The following PDSS2 variants were observed in gnomAD, a reference collection of about 807,000 sequenced individuals.
PDSS2 encodes the protein decaprenyl diphosphate synthase subunit 2, also known as all trans-polyprenyl-diphosphate synthase PDSS2.
PDSS2 carries 31 observed loss-of-function variants against 44.5 expected under a neutral mutation model. The observed-to-expected ratio is 0.70, with a 90% CI of 0.52 to 0.94. The LOEUF is 0.94. PDSS2 is among the 40% of genes least tolerant of loss of function. PDSS2 has a pLI of 0.00. For missense variants in PDSS2, 452 were observed against 482.2 expected (o/e 0.94, Z 0.59); for synonymous variants, 157 against 180.3 (o/e 0.87, Z 1.03).
chr6:107,437,469 G>C (rs954282295), intron 1 of PDSS2, among the ~76,000 whole-genome samples: 8 of 148,258 alleles, frequency 5.4e-5, no homozygotes, highest in African/African-American at 2.0e-4. Flanking sequence ...AGGCTATAGT[G>C]AGCCAAGATC....
intron 1 of PDSS2, among the ~76,000 whole-genome samples, chr6:107,350,877 G>A (rs1199947306): frequency 1.4e-5 from 2 of 147,134 alleles, no homozygotes; most frequent in East Asian, 2.0e-4. Context: ...TTCCCTGGGG[G>A]AAAAAAAAAC....
At chr6:107,369,244 T>G (rs1779057489) in intron 1 of PDSS2, among the ~76,000 whole-genome samples, 1 of 151,842 alleles carries the variant, frequency 6.6e-6, no homozygotes, top group African/African-American at 2.4e-5. Context: ...ATGGTGAAAC[T>G]CCACCTCTAC....
At chr6:107,393,039 T>C (rs546823654) in intron 1 of PDSS2, among the ~76,000 whole-genome samples, 8 of 152,266 alleles carry the variant, frequency 5.3e-5, no homozygotes, top group African/African-American at 1.7e-4. Flanking sequence ...CTATATTTTG[T>C]CTTTTATTTC....
intron 3 of PDSS2, among the ~76,000 whole-genome samples, chr6:107,251,898 A>G (rs73509168): frequency 0.18 from 27,900 of 152,188 alleles, 2,780 homozygotes; most frequent in South Asian, 0.22. Flanking sequence ...TATTGCCAAG[A>G]TAAGGTATAG....
intron 1 of PDSS2, among the ~76,000 whole-genome samples, chr6:107,403,952 C>T (rs1780227099): frequency 6.6e-6 from 1 of 152,220 alleles, no homozygotes; most frequent in African/African-American, 2.4e-5. Context: ...CAAATTTCTG[C>T]TATGGGCTTG....
chr6:107,270,115 A>T (rs562933697), intron 3 of PDSS2, among the ~76,000 whole-genome samples: 36 of 149,476 alleles, frequency 2.4e-4, no homozygotes, highest in East Asian at 3.9e-4. Flanking sequence ...TATTATTATT[A>T]TTTTTTTTTT....
At chr6:107,313,686 A>C (rs58569494) in intron 2 of PDSS2, among the ~76,000 whole-genome samples, 2 of 152,180 alleles carry the variant, frequency 1.3e-5, no homozygotes, top group African/African-American at 2.4e-5. Context: ...AGCAGGGCCC[A>C]ATTTAATCTT....
chr6:107,450,116 TTGAC>T (rs1167244301), intron 1 of PDSS2, among the ~76,000 whole-genome samples: 1 of 152,180 alleles, frequency 6.6e-6, no homozygotes, highest in Non-Finnish European at 1.5e-5. Flanking sequence ...ATGAATGAGA[TTGAC>T]TTTTTTCACT....
intron 1 of PDSS2, among the ~76,000 whole-genome samples, chr6:107,425,967 A>G (rs1001818667): frequency 2.6e-5 from 4 of 152,096 alleles, no homozygotes; most frequent in African/African-American, 9.7e-5. Context: ...TCTCGAAAAA[A>G]AAAAAAAAAG....
intron 3 of PDSS2, among the ~76,000 whole-genome samples, chr6:107,247,123 G>T (rs1774647833): frequency 6.6e-6 from 1 of 152,192 alleles, no homozygotes; most frequent in Admixed American, 6.5e-5. Flanking sequence ...CACAGCATCA[G>T]ATTGGATTAC....
chr6:107,412,247 T>C (rs1780526578), intron 1 of PDSS2, among the ~76,000 whole-genome samples: 1 of 137,122 alleles, frequency 7.3e-6, no homozygotes, highest in South Asian at 2.5e-4. Flanking sequence ...TTTTTTTTTT[T>C]TTTTTTTTTT....
intron 7 of PDSS2, among the ~76,000 whole-genome samples, chr6:107,157,337 A>G (rs1305623747): frequency 6.6e-6 from 1 of 151,984 alleles, no homozygotes; most frequent in East Asian, 1.9e-4. Flanking sequence ...GGCATGCACC[A>G]CTATCCTTGT....
rs370360594 is a variant in PDSS2, at chr6:107,310,919, C to CTTT, written c.431+23276_431+23278dup. On this transcript the variant is annotated intron_variant, in intron 2 of 7. Coordinates refer to ENST00000369037, the MANE Select transcript of PDSS2 (RefSeq NM_020381.4). ...TTCAAGTATATTTAGCAAAAATAAA[C>CTTT]TTTTTTTTTTTTTTTTGAAATGAAG... Among the ~76,000 whole-genome samples the CTTT allele has an allele frequency of 3.1e-3, 442 of 140,938 alleles. 5 individuals carry two copies. The highest frequency in any genetic ancestry group is 0.025 in the Middle Eastern group (7 of 276). 92.5% of individuals were successfully genotyped at this position (140,938 alleles called of 152,430 possible).
At chr6:107,435,281 A>AACACAC (rs57353175) in intron 1 of PDSS2, among the ~76,000 whole-genome samples, 107 of 133,790 alleles carry the variant, frequency 8.0e-4, no homozygotes, top group Middle Eastern at 3.7e-3. Flanking sequence ...ACTGCCTCAA[A>AACACAC]ACACACACAC....
At chr6:107,363,665 G>A (rs1041327977) in intron 1 of PDSS2, among the ~76,000 whole-genome samples, 2 of 152,210 alleles carry the variant, frequency 1.3e-5, no homozygotes, top group African/African-American at 4.8e-5. Flanking sequence ...GGGGACCCGA[G>A]CGGGTTGCCA....
At chr6:107,383,345 T>C (rs1244805026) in intron 1 of PDSS2, among the ~76,000 whole-genome samples, 2 of 124,200 alleles carry the variant, frequency 1.6e-5, no homozygotes, top group Admixed American at 8.1e-5. Context: ...AAATAGATCA[T>C]AGATCTAAAT....
chr6:107,375,378 A>G (rs2169897), intron 1 of PDSS2, among the ~76,000 whole-genome samples: 146,930 of 152,210 alleles, frequency 0.97, 71,140 homozygotes, highest in East Asian at 1. Flanking sequence ...TAGAAATATC[A>G]GCAATGAAGG....
At chr6:107,186,478 T>C (rs1772169238) in intron 7 of PDSS2, among the ~76,000 whole-genome samples, 1 of 148,444 alleles carries the variant, frequency 6.7e-6, no homozygotes, top group African/African-American at 2.4e-5. Flanking sequence ...ATTATATAGT[T>C]TTTTTTTTAC....
In PDSS2 at chr6:107,193,978, T is replaced by C. The variant is rs976813820; in HGVS notation, c.1009-124A>G. 7.0e-6 allele frequency: 5 copies of C among 712,678 alleles called. No individual in the cohort carries two copies. The African/African-American group carries it at 8.9e-5, about 13-fold the overall frequency. The allele number at this position is 712,678 out of a possible 1,614,324, so 44.1% of individuals were successfully genotyped here. On this transcript the variant is annotated intron_variant, in intron 6 of 7. Coordinates refer to ENST00000369037, the MANE Select transcript of PDSS2 (RefSeq NM_020381.4). The stretch of plus-strand genomic sequence containing the variant: ...CCCCTTTCCCTCTCTCTATTTAATA[T>C]ACATATTGAACTATATATTATAATC...
Sources: gnomAD v4.1 joint callset for allele counts (sites outside exome capture counted in the v4.1 genomes callset) on GRCh38, gnomAD v4.1.1 for gene constraint, MANE v1.5 for transcripts, NCBI Gene and HGNC (gene_info 2026-07-23, HGNC 2026-07-21) for gene names.